Variants in PTPRT observed in about 807,000 individuals in gnomAD.
PTPRT encodes the protein receptor-type tyrosine-protein phosphatase T.
A neutral mutation model predicts 176.8 loss-of-function variants in PTPRT; 56 were observed. The observed-to-expected ratio is 0.32, with a 90% CI of 0.26 to 0.40. The LOEUF (loss-of-function observed/expected upper bound fraction) is 0.40. Among genes scored for constraint, PTPRT ranks in the 10% least tolerant of loss-of-function variants. The pLI is 1.00. For missense variants in PTPRT, 1,540 were observed against 1,908.2 expected, an observed-to-expected ratio of 0.81 and a Z score of 3.60; for synonymous variants, 783 against 739.0, an observed-to-expected ratio of 1.06 and a Z score of -0.96.
At chr20:42,654,865 T>C (rs1600556300) in intron 7 of PTPRT, among the ~76,000 whole-genome samples, 2 of 152,238 alleles carry the variant, frequency 1.3e-5, no homozygotes, top group Non-Finnish European at 2.9e-5. Flanking sequence ...CAAAGCCCAC[T>C]AACATCAGGG....
Position 42,085,825 on chromosome 20 carries a change from G to A in PTPRT, c.3875C>T (p.Thr1292Ile), listed in dbSNP as rs764336455. The A allele has an allele frequency of 3.1e-6, 5 of 1,613,430 alleles. No individual in the cohort carries two copies. In the South Asian group the frequency reaches 4.4e-5, roughly 14 times the overall value. ...CTGGATGGGCCCATAGCACCCGGAG[G>A]TCTTCTCAGGCCAGTACTGCATACA... ...QFCMQYWPEK[T>I]SGCYGPIQVE... The change falls in exon 28 of 31, where the codon ACC (threonine) becomes ATC (isoleucine). Residue 1292 changes from threonine to isoleucine, a missense_variant. Transcript: ENST00000373187.
At chr20:42,722,381 T>A (rs900478116) in intron 6 of PTPRT, among the ~76,000 whole-genome samples, 1 of 152,314 alleles carries the variant, frequency 6.6e-6, no homozygotes, top group East Asian at 1.9e-4. Context: ...TCTATGTGAC[T>A]AAATCCCCTG....
chr20:43,061,175 TATTTCTGAAGTTC>T (rs1180533267), intron 1 of PTPRT, among the ~76,000 whole-genome samples: 1 of 152,076 alleles, frequency 6.6e-6, no homozygotes, highest in South Asian at 2.1e-4. Context: ...ATTCCACAAG[TATTTCTGAAGTTC>T]CAGAATCAAA....
At chr20:42,904,977 T>C (rs369952638) in intron 1 of PTPRT, among the ~76,000 whole-genome samples, 69 of 152,250 alleles carry the variant, frequency 4.5e-4, no homozygotes, top group African/African-American at 1.5e-3. Context: ...GAAGAAAACC[T>C]AGGCAATACC....
At chr20:42,279,617 C>T (rs940979174) in intron 13 of PTPRT, among the ~76,000 whole-genome samples, 1 of 152,186 alleles carries the variant, frequency 6.6e-6, no homozygotes, top group African/African-American at 2.4e-5. Context: ...TGCAACCGTC[C>T]AAGCTGGGTG....
chr20:42,067,028 G>A, the PTPRT span, among the ~76,000 whole-genome samples: 1 of 152,072 alleles, frequency 6.6e-6, no homozygotes, highest in Non-Finnish European at 1.5e-5. Flanking sequence ...GTGAACCTCT[G>A]CTTTTGAACT....
intron 17 of PTPRT, among the ~76,000 whole-genome samples, chr20:42,142,259 C>T (rs1988665275): frequency 6.6e-6 from 1 of 152,158 alleles, no homozygotes; most frequent in Non-Finnish European, 1.5e-5. Context: ...ATCGCTTGTC[C>T]ATTCATTGAA....
intron 1 of PTPRT, among the ~76,000 whole-genome samples, chr20:43,064,662 T>G (rs1255659776): frequency 6.6e-6 from 1 of 152,136 alleles, no homozygotes; most frequent in African/African-American, 2.4e-5. Context: ...AACATCAAGT[T>G]CAAAGAAGTC....
intron 1 of PTPRT, among the ~76,000 whole-genome samples, chr20:43,018,922 C>T (rs143595245): frequency 6.3e-4 from 96 of 152,206 alleles, no homozygotes; most frequent in Middle Eastern, 6.8e-3. Context: ...GGAAATGTGA[C>T]AATATTTATT....
rs2073331973 is a variant in PTPRT at position 42,579,501 on chromosome 20, T to C, written c.1153+98365A>G. Among the ~76,000 whole-genome samples, 3 of 152,208 alleles carry C rather than the reference T, an allele frequency of 2.0e-5. No individual in the cohort carries two copies. In the South Asian group the frequency reaches 6.2e-4, roughly 32 times the overall value. Reference sequence around the variant, plus strand: ...ATCACCACACTGTCTTCCACAATGGTTGAACTAGTTTACAGTCCCACCAAC... The same window carrying C: ...ATCACCACACTGTCTTCCACAATGGCTGAACTAGTTTACAGTCCCACCAAC... On this transcript the variant is annotated intron_variant, in intron 7 of 30. Coordinates refer to ENST00000373187, the MANE Select transcript of PTPRT (RefSeq NM_007050.6).
At chr20:42,545,216 C>A (rs1260904146) in intron 7 of PTPRT, among the ~76,000 whole-genome samples, 3 of 152,184 alleles carry the variant, frequency 2.0e-5, no homozygotes, top group African/African-American at 7.2e-5. Flanking sequence ...TGGACTTTTA[C>A]CTTGGAATTC....
At chr20:42,940,925 C>G (rs1980502031) in intron 1 of PTPRT, among the ~76,000 whole-genome samples, 1 of 151,616 alleles carries the variant, frequency 6.6e-6, no homozygotes, top group Non-Finnish European at 1.5e-5. Context: ...ACTAAAAATA[C>G]AAAAAAATTA....
At chr20:42,276,470 C>T (rs1376528756) in intron 13 of PTPRT, among the ~76,000 whole-genome samples, 3 of 117,008 alleles carry the variant, frequency 2.6e-5, no homozygotes, top group Non-Finnish European at 5.2e-5. Context: ...ACATTAAAGA[C>T]TCAGAAAGGA....
intron 1 of PTPRT, among the ~76,000 whole-genome samples, chr20:42,991,608 G>A (rs1983917639): frequency 6.6e-6 from 1 of 151,958 alleles, no homozygotes; most frequent in Admixed American, 6.6e-5. Flanking sequence ...AGCTTTTTGG[G>A]GGATGATGAA....
Position 42,128,829 on chromosome 20 carries a change from G to A in PTPRT, c.2772C>T (p.Tyr924=), listed in dbSNP as rs758202722. The A allele has an allele frequency of 2.1e-5, 33 of 1,603,858 alleles. No individual in the cohort carries two copies. Among genetic ancestry groups the A allele is most frequent in the African/African-American group, 9.4e-5 (7 of 74,452 alleles). The change falls in exon 19 of 31, where the codon TAC becomes TAT. Residue 924 remains tyrosine (Y), a splice_region_variant and synonymous_variant. Coordinates refer to ENST00000373187, the MANE Select transcript of PTPRT (RefSeq NM_007050.6). ...CCAGCAGCCTCACCCGGGAATGGTC[G>A]TCTGCAGAGAGAGCAGAAATCAAGG... The part of the protein sequence containing the change: ...NKNRYGNIIS[Y]DHSRVRLLVL...
rs370069747 is a variant in PTPRT, at chr20:43,095,406, G to C, written c.88+94240C>G. Among the ~76,000 whole-genome samples, 431 of 152,056 alleles carry C rather than the reference G, an allele frequency of 2.8e-3. 2 individuals are homozygous for C. Among genetic ancestry groups the C allele is most frequent in the African/African-American group, 0.01 (418 of 41,444 alleles). ...ACTCGTCAGAGTTAGTGGCCAGATG[G>C]GGTTCAGAATTCAGCACCTGTGATC... is the stretch of plus-strand genomic sequence containing the variant. On this transcript the variant is annotated intron_variant, in intron 1 of 30. Coordinates refer to ENST00000373187, the MANE Select transcript of PTPRT (RefSeq NM_007050.6).
chr20:42,074,719 G>C lies in PTPRT; in HGVS notation c.*6160C>G, dbSNP rs1982607900. 2.5e-6 allele frequency: 1 copy of C among 398,376 alleles called. No individual in the cohort carries two copies. Among genetic ancestry groups the C allele is most frequent in the Non-Finnish European group, 4.4e-6 (1 of 226,026 alleles). 24.7% of individuals were successfully genotyped at this position (398,376 alleles called of 1,614,324 possible). ...TTGTGAGTGTTGATGCCTCCTTTTA[G>C]AGACCTAACATTCATGAGTGGATTT... is the stretch of plus-strand genomic sequence containing the variant. On this transcript the variant is annotated 3_prime_UTR_variant, in exon 31 of 31. Coordinates refer to ENST00000373187, the MANE Select transcript of PTPRT (RefSeq NM_007050.6).
intron 18 of PTPRT, among the ~76,000 whole-genome samples, chr20:42,133,548 T>A (rs757902360): frequency 6.6e-6 from 1 of 152,076 alleles, no homozygotes; most frequent in Non-Finnish European, 1.5e-5. Context: ...GAGGGAAGGA[T>A]GAATAGGTGA....
In PTPRT at chr20:43,114,724, A is replaced by G. The variant is rs1478084990; in HGVS notation, c.88+74922T>C. The stretch of plus-strand genomic sequence containing the variant: ...TGAGAAAACATAGATATGGTGCTAA[A>G]TTAAATGGCTTACGTTCTGAGCCCT... On this transcript the variant is annotated intron_variant, in intron 1 of 30. Transcript: ENST00000373187. 5.9e-5 allele frequency among the ~76,000 whole-genome samples: 9 copies of G among 152,150 alleles called. No individual in the cohort carries two copies. In the East Asian group the frequency reaches 1.7e-3, roughly 29 times the overall value.
Sources: allele counts gnomAD v4.1 joint callset (sites outside exome capture counted in the v4.1 genomes callset), GRCh38; gene constraint gnomAD v4.1.1; transcripts MANE v1.5; gene names NCBI Gene and HGNC (gene_info 2026-07-23, HGNC 2026-07-21).